ULK4: variants seen among roughly 807,000 people sequenced by gnomAD.
ULK4 encodes inactive serine/threonine-protein kinase ULK4.
A neutral mutation model predicts 160.6 loss-of-function variants in ULK4; 133 were observed. The ratio of observed to expected loss-of-function variants is 0.83; its 90% confidence interval spans 0.72 to 0.96. The LOEUF (loss-of-function observed/expected upper bound fraction) is 0.96. ULK4 is among the 40% of genes least tolerant of loss of function. The pLI is 0.00. For synonymous variants in ULK4, 534 were observed against 539.8 expected, an observed-to-expected ratio of 0.99 and a Z score of 0.15; for missense variants, 1,580 against 1,499.5, an observed-to-expected ratio of 1.05 and a Z score of -0.89.
intron 2 of ULK4, among the ~76,000 whole-genome samples, chr3:41,940,341 C>T (rs1699911704): frequency 6.6e-6 from 1 of 152,146 alleles, no homozygotes; most frequent in South Asian, 2.1e-4. Flanking sequence ...TCCTTGGCTG[C>T]AGCACCTGAT....
intron 19 of ULK4, among the ~76,000 whole-genome samples, chr3:41,801,444 G>A (rs1293423150): frequency 6.6e-6 from 1 of 151,874 alleles, no homozygotes; most frequent in Non-Finnish European, 1.5e-5. Flanking sequence ...CATGAAAACT[G>A]GTAATTCCAG....
chr3:41,447,201 CCT>C (rs1048400927), intron 34 of ULK4, among the ~76,000 whole-genome samples: 2 of 151,844 alleles, frequency 1.3e-5, no homozygotes, highest in African/African-American at 2.4e-5. Flanking sequence ...CTTTCTTCAA[CCT>C]CTCTAACTCC....
At chr3:41,395,191 CAAAA>C (rs11365283) in intron 35 of ULK4, among the ~76,000 whole-genome samples, 1 of 106,372 alleles carries the variant, frequency 9.4e-6, no homozygotes, top group Non-Finnish European at 2.1e-5. Context: ...GAAAGCACTC[CAAAA>C]AAAAAAAAAA....
chr3:41,500,923 T>C (rs557800341), intron 32 of ULK4, among the ~76,000 whole-genome samples: 2 of 152,358 alleles, frequency 1.3e-5, no homozygotes, highest in African/African-American at 4.8e-5. Flanking sequence ...TAGGCCTTCA[T>C]TGTTTTTGTG....
At chr3:41,338,156 C>T (rs569368392) in intron 35 of ULK4, among the ~76,000 whole-genome samples, 3 of 152,340 alleles carry the variant, frequency 2.0e-5, no homozygotes, top group Admixed American at 2.0e-4. Context: ...GAGAAAGTGC[C>T]CGCAGCTCCA....
At chr3:41,903,819 CTT>C (rs1453689520) in intron 12 of ULK4, among the ~76,000 whole-genome samples, 5 of 151,810 alleles carry the variant, frequency 3.3e-5, no homozygotes, top group East Asian at 1.9e-4. Flanking sequence ...ATTATATTCC[CTT>C]GTTTCAAAAT....
intron 21 of ULK4, among the ~76,000 whole-genome samples, chr3:41,780,182 A>G (rs1356679647): frequency 6.6e-6 from 1 of 151,544 alleles, no homozygotes; most frequent in African/African-American, 2.4e-5. Flanking sequence ...GTGTGGTGGC[A>G]CACACCTGTG....
chr3:41,426,741 A>C (rs187279934), intron 34 of ULK4, among the ~76,000 whole-genome samples: 1 of 152,338 alleles, frequency 6.6e-6, no homozygotes, highest in East Asian at 1.9e-4. Flanking sequence ...ATGATGCATC[A>C]GAATCTCTGG....
chr3:41,614,771 A>G (rs1336923617), intron 31 of ULK4, among the ~76,000 whole-genome samples: 1 of 152,190 alleles, frequency 6.6e-6, no homozygotes, highest in Non-Finnish European at 1.5e-5. Flanking sequence ...ACAGCACACA[A>G]ACGATTTATA....
chr3:41,358,875 A>G (rs940148836), intron 35 of ULK4, among the ~76,000 whole-genome samples: 3 of 152,078 alleles, frequency 2.0e-5, no homozygotes, highest in African/African-American at 7.2e-5. Flanking sequence ...GTGAGGGGCA[A>G]TGGTGGAAGC....
chr3:41,832,716 A>G (rs575664956), intron 18 of ULK4, among the ~76,000 whole-genome samples: 2 of 152,312 alleles, frequency 1.3e-5, no homozygotes, highest in Admixed American at 6.5e-5. Flanking sequence ...TAATTTTTGT[A>G]TAAGGTGCAA....
At chr3:41,695,333 T>C (rs1349749437) in intron 27 of ULK4, among the ~76,000 whole-genome samples, 1 of 152,192 alleles carries the variant, frequency 6.6e-6, no homozygotes, top group African/African-American at 2.4e-5. Context: ...GAAGCTAAGG[T>C]GTCCCAGAAG....
At chr3:41,880,476 C>A (rs1424697982) in intron 17 of ULK4, among the ~76,000 whole-genome samples, 2 of 152,114 alleles carry the variant, frequency 1.3e-5, no homozygotes, top group Non-Finnish European at 2.9e-5. Flanking sequence ...TTTTCTGTCT[C>A]TTTATAACAA....
intron 20 of ULK4, among the ~76,000 whole-genome samples, chr3:41,795,887 G>C (rs2040287459): frequency 1.3e-5 from 2 of 152,194 alleles, no homozygotes; most frequent in South Asian, 4.1e-4. Flanking sequence ...AGAGAGATGT[G>C]AGCAGATCTG....
At chr3:41,753,253 T>C (rs2038688406) in intron 22 of ULK4, among the ~76,000 whole-genome samples, 1 of 152,096 alleles carries the variant, frequency 6.6e-6, no homozygotes, top group Admixed American at 6.6e-5. Flanking sequence ...GTCTTGTTTG[T>C]TATATAGGTA....
intron 20 of ULK4, among the ~76,000 whole-genome samples, chr3:41,791,827 C>CT: frequency 6.6e-6 from 1 of 152,152 alleles, no homozygotes; most frequent in South Asian, 2.1e-4. Flanking sequence ...CTATATACCT[C>CT]TCCCTAAAAA....
At chr3:41,474,089 A>C (rs2084070318) in intron 32 of ULK4, among the ~76,000 whole-genome samples, 1 of 152,226 alleles carries the variant, frequency 6.6e-6, no homozygotes, top group Non-Finnish European at 1.5e-5. Context: ...TAGAGACGTC[A>C]CACTTCCTGA....
Position 41,704,145 on chromosome 3 carries a change from C to T in ULK4, c.2781+912G>A, listed in dbSNP as rs141192904. On this transcript the variant is annotated intron_variant, in intron 27 of 36. Transcript: ENST00000301831. ...GGAAATTTGAAAAACATTTTCACAT[C>T]AAACTCTCTGCTGGGTTATGCTGTG... Among the ~76,000 whole-genome samples, 4 of 152,268 alleles carry T rather than the reference C, an allele frequency of 2.6e-5. No homozygotes were observed. The East Asian group carries it at 5.8e-4, about 22-fold the overall frequency.
chr3:41,317,584 G>A (rs2125726830), intron 35 of ULK4, among the ~76,000 whole-genome samples: 1 of 152,286 alleles, frequency 6.6e-6, no homozygotes, highest in African/African-American at 2.4e-5. Flanking sequence ...ACCCAGGCCA[G>A]TTCCAGATGC....
Sources: allele counts gnomAD v4.1 joint callset (sites outside exome capture counted in the v4.1 genomes callset), GRCh38; gene constraint gnomAD v4.1.1; transcripts MANE v1.5; gene names NCBI Gene and HGNC (gene_info 2026-07-23, HGNC 2026-07-21).